CPVL: variants seen among roughly 807,000 people sequenced by gnomAD.
CPVL encodes the protein probable serine carboxypeptidase CPVL.
CPVL carries 51 observed loss-of-function variants against 63.7 expected under a neutral mutation model. That is an observed-to-expected ratio of 0.80 (90% CI 0.64 to 1.01). The LOEUF (loss-of-function observed/expected upper bound fraction) is 1.01, where lower values mean the gene tolerates loss of function less well. Among genes scored for constraint, CPVL ranks in the 50% least tolerant of loss-of-function variants. CPVL has a pLI of 0.00. For synonymous variants in CPVL, 195 were observed against 206.0 expected (o/e 0.95, Z 0.46); for missense variants, 530 against 573.1 (o/e 0.92, Z 0.77).
intron 12 of CPVL, among the ~76,000 whole-genome samples, chr7:28,996,554 A>AC (rs1356238205): frequency 2.0e-5 from 3 of 151,498 alleles, no homozygotes; most frequent in African/African-American, 4.9e-5. Context: ...AAAAACAAAA[A>AC]AAAAAAAAAC....
At chr7:29,179,397 A>G (rs923369279) in intron 5 of CPVL, among the ~76,000 whole-genome samples, 8 of 152,134 alleles carry the variant, frequency 5.3e-5, no homozygotes, top group African/African-American at 1.9e-4. Context: ...TGAAGAAAAG[A>G]CTCCAGAATG....
chr7:29,182,198 G>A (rs1212098845), intron 4 of CPVL, among the ~76,000 whole-genome samples: 1 of 152,148 alleles, frequency 6.6e-6, no homozygotes, highest in Admixed American at 6.5e-5. Flanking sequence ...ATTATAAGAT[G>A]GTGACAGGAT....
At position 29,120,998 on chromosome 7, in the gene CPVL, C is replaced by T; in HGVS notation, c.64G>A (p.Gly22Arg). 1.2e-6 allele frequency: 2 copies of T among 1,613,406 alleles called. No homozygotes were observed. The highest frequency in any genetic ancestry group is 2.2e-5 in the South Asian group (2 of 90,938). ...CTTCTGTATAGGGAGCGAAACAGCCCATCACAGGGGCCAGGCATCAACAGG... is the reference window on the plus strand; with the variant it reads ...CTTCTGTATAGGGAGCGAAACAGCCTATCACAGGGGCCAGGCATCAACAGG... ...LVLLMPGPCD[G>R]LFRSLYRSVS... Residue 22 changes from glycine to arginine, a missense_variant, in exon 2 of 13, where the codon GGG (glycine) becomes AGG (arginine). By Grantham distance (125) the Gly-to-Arg change is moderately radical. Coordinates refer to ENST00000265394, the MANE Select transcript of CPVL (RefSeq NM_031311.5).
Position 29,053,740 on chromosome 7 carries a change from G to A in CPVL, c.1137+10321C>T, listed in dbSNP as rs141056701. On this transcript the variant is annotated intron_variant, in intron 11 of 12. Coordinates refer to ENST00000265394, the MANE Select transcript of CPVL (RefSeq NM_031311.5). ...TTGAAATGAGTGAATTCTGTGGTAT[G>A]TAAATTATATCTCAGTCAATCTGCT... Among the ~76,000 whole-genome samples, 524 of 152,186 alleles carry A rather than the reference G, an allele frequency of 3.4e-3. 4 individuals are homozygous for A. The highest frequency in any genetic ancestry group is 0.012 in the African/African-American group (500 of 41,536).
At chr7:29,148,950 A>G (rs1793168765), upstream of CPVL, among the ~76,000 whole-genome samples, 1 of 152,052 alleles carries the variant, frequency 6.6e-6, no homozygotes, top group African/African-American at 2.4e-5. Context: ...ACATTAAAAA[A>G]TGAATAGCCA....
rs141607101 is a variant in CPVL, at chr7:29,132,414, C to T, written c.-10-11343G>A. 9.9e-5 allele frequency among the ~76,000 whole-genome samples: 15 copies of T among 152,276 alleles called. No homozygotes were observed. In the East Asian group the frequency reaches 2.9e-3, roughly 29 times the overall value. Reference sequence around the variant, plus strand: ...AAGTCCAACAGTGTAACACTGCTGGCCCCTTGCTGCTGCCTTCTTCCCTCC... The same window carrying T: ...AAGTCCAACAGTGTAACACTGCTGGTCCCTTGCTGCTGCCTTCTTCCCTCC... On this transcript the variant is annotated intron_variant, in intron 1 of 12. Coordinates refer to ENST00000265394, the MANE Select transcript of CPVL (RefSeq NM_031311.5).
intron 1 of CPVL, among the ~76,000 whole-genome samples, chr7:29,124,373 A>C (rs1179772014): frequency 6.6e-6 from 1 of 152,198 alleles, no homozygotes. Context: ...GAAGAATTCA[A>C]ACAAAATGTT....
At chr7:29,028,167 C>T (rs1450623013) in intron 12 of CPVL, among the ~76,000 whole-genome samples, 1 of 152,176 alleles carries the variant, frequency 6.6e-6, no homozygotes, top group African/African-American at 2.4e-5. Flanking sequence ...TAATCTCTGA[C>T]AAAGCTGACA....
intron 3 of CPVL, among the ~76,000 whole-genome samples, chr7:29,111,210 T>C (rs1344570737): frequency 6.6e-6 from 1 of 152,192 alleles, no homozygotes; most frequent in Non-Finnish European, 1.5e-5. Context: ...ATGACATCAA[T>C]AGATATGATA....
intron 1 of CPVL, among the ~76,000 whole-genome samples, chr7:29,141,897 AGAGT>A (rs1490110373): frequency 6.7e-6 from 1 of 149,844 alleles, no homozygotes; most frequent in African/African-American, 2.5e-5. Context: ...CCTAGGCAAC[AGAGT>A]GAGACACCAT....
intron 12 of CPVL, among the ~76,000 whole-genome samples, chr7:29,029,851 T>C (rs1787859003): frequency 6.6e-6 from 1 of 152,236 alleles, no homozygotes; most frequent in Non-Finnish European, 1.5e-5. Flanking sequence ...ATGGATATCC[T>C]AAATACCCTG....
At chr7:29,170,966 C>T (rs965188306) in intron 5 of CPVL, among the ~76,000 whole-genome samples, 12 of 152,144 alleles carry the variant, frequency 7.9e-5, no homozygotes, top group Non-Finnish European at 1.6e-4. Flanking sequence ...CTTCAATTAC[C>T]TCCCACGGGG....
intron 3 of CPVL, among the ~76,000 whole-genome samples, chr7:29,106,700 C>T (rs139134388): frequency 6.6e-6 from 1 of 152,062 alleles, no homozygotes; most frequent in African/African-American, 2.4e-5. Context: ...TTAAAAGTAG[C>T]TCGCATAGTA....
chr7:29,063,285 T>C (rs1782810532), intron 11 of CPVL, among the ~76,000 whole-genome samples: 1 of 152,136 alleles, frequency 6.6e-6, no homozygotes, highest in Admixed American at 6.5e-5. Context: ...CATTTCAACC[T>C]CACACCCTAA....
chr7:29,076,817 C>T (rs1340712593), intron 7 of CPVL, among the ~76,000 whole-genome samples: 1 of 152,186 alleles, frequency 6.6e-6, no homozygotes, highest in Non-Finnish European at 1.5e-5. Flanking sequence ...GAATTCAGCT[C>T]TCAATCTTTT....
At chr7:29,026,153 C>T (rs1424956987) in intron 12 of CPVL, among the ~76,000 whole-genome samples, 1 of 152,066 alleles carries the variant, frequency 6.6e-6, no homozygotes, top group Non-Finnish European at 1.5e-5. Context: ...AACTAGAAAT[C>T]AATACCAAGG....
Position 29,035,634 on chromosome 7 carries a change from G to A in CPVL, c.1138-4875C>T, listed in dbSNP as rs551972136. Among the ~76,000 whole-genome samples, 1,231 of 149,954 alleles carry A rather than the reference G, an allele frequency of 8.2e-3. 5 individuals carry two copies. The highest frequency in any genetic ancestry group is 0.011 in the Non-Finnish European group (723 of 67,604). On this transcript the variant is annotated intron_variant, in intron 11 of 12. Coordinates refer to ENST00000265394, the MANE Select transcript of CPVL (RefSeq NM_031311.5). ...CAGTGCCTTAAAAACAGGAGCTCCC[G>A]AGTGCGTGCTACATCCCCAGGCCTT...
At chr7:29,132,094 G>A (rs1426988505) in intron 1 of CPVL, among the ~76,000 whole-genome samples, 1 of 152,220 alleles carries the variant, frequency 6.6e-6, no homozygotes, top group Non-Finnish European at 1.5e-5. Context: ...TCAAGCAGTG[G>A]CACTATTTGA....
chr7:29,077,054 T>C (rs1280544864), intron 7 of CPVL, among the ~76,000 whole-genome samples: 1 of 152,248 alleles, frequency 6.6e-6, no homozygotes, highest in Non-Finnish European at 1.5e-5. Context: ...AATCTCTCTT[T>C]TCTTTTATGT....
Sources: allele counts gnomAD v4.1 joint callset (sites outside exome capture counted in the v4.1 genomes callset), GRCh38; gene constraint gnomAD v4.1.1; transcripts MANE v1.5; gene names NCBI Gene and HGNC (gene_info 2026-07-23, HGNC 2026-07-21).